Variants in SEMA5B observed in about 807,000 individuals in gnomAD.
The protein encoded by SEMA5B is semaphorin 5B, also known as semaphorin-5B.
A neutral mutation model predicts 135.0 loss-of-function variants in SEMA5B; 66 were observed. The observed-to-expected ratio is 0.49, with a 90% CI of 0.40 to 0.60. The LOEUF (loss-of-function observed/expected upper bound fraction) is 0.60. SEMA5B is among the 20% of genes least tolerant of loss of function. SEMA5B has a pLI of 0.00. For synonymous variants in SEMA5B, 690 were observed against 639.5 expected, an observed-to-expected ratio of 1.08 and a Z score of -1.19; for missense variants, 1,501 against 1,566.3, an observed-to-expected ratio of 0.96 and a Z score of 0.70.
chr3:122,972,105 G>A (rs1185925997), intron 1 of SEMA5B, among the ~76,000 whole-genome samples: 1 of 152,162 alleles, frequency 6.6e-6, no homozygotes, highest in Non-Finnish European at 1.5e-5. Context: ...ACTGCTCCAG[G>A]TAGGAAGCTC....
intron 5 of SEMA5B, among the ~76,000 whole-genome samples, chr3:122,935,163 T>C (rs189573968): frequency 5.7e-4 from 87 of 152,108 alleles, no homozygotes; most frequent in East Asian, 1.4e-3. Context: ...CCATGGGAGG[T>C]CTCATAGAGA....
chr3:123,026,117 C>T (rs1448382135), intron 1 of SEMA5B, among the ~76,000 whole-genome samples: 1 of 152,058 alleles, frequency 6.6e-6, no homozygotes, highest in African/African-American at 2.4e-5. Flanking sequence ...GGTTGGGGTG[C>T]CTGAGAAAAG....
intron 2 of SEMA5B, among the ~76,000 whole-genome samples, chr3:122,951,460 T>C (rs751677801): frequency 9.9e-4 from 151 of 152,348 alleles, no homozygotes; most frequent in Non-Finnish European, 1.8e-3. Context: ...AAGAAACTTT[T>C]AAACAACTAG....
intron 1 of SEMA5B, among the ~76,000 whole-genome samples, chr3:122,977,438 A>G (rs1941367809): frequency 6.6e-6 from 1 of 152,202 alleles, no homozygotes; most frequent in Non-Finnish European, 1.5e-5. Context: ...TGAAATTCAA[A>G]TGTAATTGGA....
intron 6 of SEMA5B, 33 bp from the exon 7 acceptor site, chr3:122,928,648 G>C (rs965203730): frequency 9.5e-6 from 14 of 1,473,548 alleles, no homozygotes; most frequent in Admixed American, 4.0e-5. Context: ...AGACAGCACA[G>C]CTCTCCAGGT....
chr3:122,998,911 C>T (rs1942095498), intron 1 of SEMA5B, among the ~76,000 whole-genome samples: 1 of 152,210 alleles, frequency 6.6e-6, no homozygotes, highest in Non-Finnish European at 1.5e-5. Flanking sequence ...GACTTATTGA[C>T]TTATAGACTT....
intron 5 of SEMA5B, among the ~76,000 whole-genome samples, chr3:122,931,387 A>C (rs577619571): frequency 6.6e-6 from 1 of 152,316 alleles, no homozygotes; most frequent in East Asian, 1.9e-4. Flanking sequence ...AATTAAAATC[A>C]ACATTGGTAT....
chr3:123,017,101 GGA>G, intron 1 of SEMA5B, among the ~76,000 whole-genome samples: 1 of 151,760 alleles, frequency 6.6e-6, no homozygotes, highest in Non-Finnish European at 1.5e-5. Flanking sequence ...CTGTTAGCCA[GGA>G]TGGTCTTGAT....
At chr3:122,931,887 G>A (rs970675765) in intron 5 of SEMA5B, among the ~76,000 whole-genome samples, 1 of 152,170 alleles carries the variant, frequency 6.6e-6, no homozygotes, top group African/African-American at 2.4e-5. Flanking sequence ...AATGGTTTGT[G>A]GACTGAAACG....
chr3:123,008,466 G>A (rs1438794863), intron 1 of SEMA5B, among the ~76,000 whole-genome samples: 1 of 152,126 alleles, frequency 6.6e-6, no homozygotes, highest in Non-Finnish European at 1.5e-5. Flanking sequence ...CAGGAGAAGG[G>A]GCCTCGTGCA....
chr3:122,976,157 G>A, intron 1 of SEMA5B: 1 of 1,533,550 alleles, frequency 6.5e-7, no homozygotes, highest in Non-Finnish European at 8.7e-7. Flanking sequence ...TCCTCACCCT[G>A]TGTTGGGCTG....
At chr3:122,940,488 C>A (rs1272145358) in intron 4 of SEMA5B, among the ~76,000 whole-genome samples, 1 of 152,218 alleles carries the variant, frequency 6.6e-6, no homozygotes, top group Non-Finnish European at 1.5e-5. Flanking sequence ...CACCAATTTT[C>A]TTTCTTTGGT....
intron 8 of SEMA5B, 23 bp downstream of exon 8, chr3:122,927,767 C>T: frequency 1.4e-5 from 20 of 1,396,010 alleles, no homozygotes; most frequent in Non-Finnish European, 1.7e-5. Context: ...GAGTCCCCAC[C>T]CCTGGCACTG....
intron 1 of SEMA5B, among the ~76,000 whole-genome samples, chr3:122,986,498 A>G (rs763864953): frequency 6.6e-6 from 1 of 152,172 alleles, no homozygotes; most frequent in Non-Finnish European, 1.5e-5. Context: ...GCATCCAAAG[A>G]ATGTTTAAAT....
At chr3:122,981,028 G>C (rs117082884) in intron 1 of SEMA5B, among the ~76,000 whole-genome samples, 1 of 152,168 alleles carries the variant, frequency 6.6e-6, no homozygotes, top group Non-Finnish European at 1.5e-5. Flanking sequence ...GTAGCACTTC[G>C]GGGACATGGC....
At chr3:122,935,200 G>A (rs1036257801) in intron 5 of SEMA5B, among the ~76,000 whole-genome samples, 5 of 152,196 alleles carry the variant, frequency 3.3e-5, no homozygotes, top group Admixed American at 3.3e-4. Context: ...AGGGTGCTGG[G>A]TGAGGAGCCT....
At chr3:122,966,959 A>C (rs9877139) in intron 1 of SEMA5B, among the ~76,000 whole-genome samples, 2 of 150,050 alleles carry the variant, frequency 1.3e-5, no homozygotes, top group Non-Finnish European at 3.0e-5. Context: ...ATCTTGGCTC[A>C]ACACAACCTC....
In SEMA5B at chr3:122,923,878, C is replaced by CACT. The variant is rs63487760; in HGVS notation, c.1137-127_1137-126insAGT. The stretch of plus-strand genomic sequence containing the variant: ...GTAAGCATCTATGATGTGTCTGGCA[C>CACT]ATGGGGGGATCTCAAAGGGAGGAGA... On this transcript the variant is annotated intron_variant, in intron 9 of 22. Coordinates refer to ENST00000357599, the MANE Select transcript of SEMA5B (RefSeq NM_001031702.4). The CACT allele has an allele frequency of 6.3e-5, 60 of 946,548 alleles. No individual in the cohort carries two copies. In the African/African-American group the frequency reaches 1.1e-3, roughly 18 times the overall value. The allele number at this position is 946,548 out of a possible 1,614,324, so 58.6% of individuals were successfully genotyped here.
At chr3:122,917,285 A>G (rs1306945376) in intron 12 of SEMA5B, among the ~76,000 whole-genome samples, 1 of 152,220 alleles carries the variant, frequency 6.6e-6, no homozygotes, top group Non-Finnish European at 1.5e-5. Context: ...AAAACAGAAG[A>G]GGCTTTGGAG....
Sources: gnomAD v4.1 joint callset for allele counts (sites outside exome capture counted in the v4.1 genomes callset) on GRCh38, gnomAD v4.1.1 for gene constraint, MANE v1.5 for transcripts, NCBI Gene and HGNC (gene_info 2026-07-23, HGNC 2026-07-21) for gene names.